Variants in FTCDNL1 observed in about 807,000 individuals in gnomAD.
FTCDNL1 encodes the protein formiminotransferase N-terminal subdomain-containing protein.
Under a neutral mutation model 5.9 loss-of-function variants are expected in FTCDNL1, and 11 were observed. The observed-to-expected ratio is 1.87, with a 90% CI of 1.18 to 3.10. The LOEUF (loss-of-function observed/expected upper bound fraction) is 3.10. Among genes scored for constraint, FTCDNL1 ranks in the 30% most tolerant of loss-of-function variants. The pLI, the probability that FTCDNL1 is intolerant of heterozygous loss-of-function variation, is 0.00. For synonymous variants in FTCDNL1, 58 were observed against 24.8 expected (o/e 2.34, Z -3.99); for missense variants, 115 against 65.5 (o/e 1.76, Z -2.61).
rs546340519 is a variant in FTCDNL1, at chr2:199,799,628, C to T, written c.212-38793G>A. On this transcript the variant is annotated intron_variant, in intron 3 of 3. Coordinates refer to the FTCDNL1 transcript ENST00000416668. Reference sequence around the variant, plus strand: ...GGTGCTCTCCCATTTTAAGATGACTCAGTTTACAAAAATATAAAACTATGT... The same window carrying T: ...GGTGCTCTCCCATTTTAAGATGACTTAGTTTACAAAAATATAAAACTATGT... Among the ~76,000 whole-genome samples the T allele has an allele frequency of 3.3e-5, 5 of 152,300 alleles. No individual in the cohort carries two copies. The South Asian group carries it at 1.0e-3, about 32-fold the overall frequency.
intron 3 of FTCDNL1, among the ~76,000 whole-genome samples, chr2:199,828,853 C>G (rs992847284): frequency 6.6e-6 from 1 of 152,134 alleles, no homozygotes; most frequent in African/African-American, 2.4e-5. Flanking sequence ...CCATTCTAAA[C>G]CAACAAATGG....
chr2:199,693,119 T>C, the FTCDNL1 span, among the ~76,000 whole-genome samples: 2 of 152,232 alleles, frequency 1.3e-5, no homozygotes, highest in Non-Finnish European at 2.9e-5. Context: ...CATTGTACAG[T>C]ACATTCTGTT....
intron 3 of FTCDNL1, among the ~76,000 whole-genome samples, chr2:199,835,631 G>T (rs533022706): frequency 2.8e-4 from 42 of 152,150 alleles, no homozygotes; most frequent in Admixed American, 2.7e-3. Flanking sequence ...AATCCTAGTG[G>T]CCTTGACACT....
intron 3 of FTCDNL1, among the ~76,000 whole-genome samples, chr2:199,772,556 C>T (rs997475775): frequency 2.0e-5 from 3 of 152,150 alleles, no homozygotes; most frequent in Non-Finnish European, 4.4e-5. Flanking sequence ...CATGACCCCA[C>T]ACTCTGAATC....
chr2:199,764,799 A>G (rs1390473407), intron 3 of FTCDNL1, among the ~76,000 whole-genome samples: 1 of 151,884 alleles, frequency 6.6e-6, no homozygotes, highest in Non-Finnish European at 1.5e-5. Flanking sequence ...TGTTGTGACT[A>G]CTCTGCACAA....
chr2:199,742,993 CT>C, the FTCDNL1 span, among the ~76,000 whole-genome samples: 1 of 152,192 alleles, frequency 6.6e-6, no homozygotes, highest in African/African-American at 2.4e-5. Context: ...TGTTATTTAT[CT>C]GTAAGAATGA....
chr2:199,681,777 CA>C, the FTCDNL1 span, among the ~76,000 whole-genome samples: 1 of 152,174 alleles, frequency 6.6e-6, no homozygotes, highest in Non-Finnish European at 1.5e-5. Flanking sequence ...CTTTAAATAA[CA>C]TACAAATTGT....
At chr2:199,716,826 G>A in the FTCDNL1 span, among the ~76,000 whole-genome samples, 1 of 152,148 alleles carries the variant, frequency 6.6e-6, no homozygotes, top group African/African-American at 2.4e-5. Context: ...CTGGATAAAT[G>A]TAAGTGTTAA....
intron 3 of FTCDNL1, among the ~76,000 whole-genome samples, chr2:199,797,918 A>G (rs1338999540): frequency 6.6e-6 from 1 of 152,230 alleles, no homozygotes; most frequent in Non-Finnish European, 1.5e-5. Context: ...CCTGAATTTA[A>G]GAGTAAAGAC....
At chr2:199,763,530 T>C (rs1196286421) in intron 3 of FTCDNL1, among the ~76,000 whole-genome samples, 1 of 152,162 alleles carries the variant, frequency 6.6e-6, no homozygotes, top group Non-Finnish European at 1.5e-5. Context: ...CCTACTCACC[T>C]TTCCCCAAGC....
the FTCDNL1 span, among the ~76,000 whole-genome samples, chr2:199,665,348 C>A: frequency 1.3e-5 from 2 of 152,056 alleles, no homozygotes; most frequent in African/African-American, 4.8e-5. Flanking sequence ...AAGTAGAGAA[C>A]AAGCCAGGCA....
At chr2:199,765,097 G>A (rs916244628) in intron 3 of FTCDNL1, among the ~76,000 whole-genome samples, 4 of 152,170 alleles carry the variant, frequency 2.6e-5, no homozygotes, top group African/African-American at 9.7e-5. Flanking sequence ...AAAATAACAT[G>A]AGGAGGAATG....
the FTCDNL1 span, among the ~76,000 whole-genome samples, chr2:199,720,926 G>C: frequency 7.2e-5 from 11 of 152,076 alleles, no homozygotes; most frequent in Non-Finnish European, 7.4e-5. Context: ...GATGTCAGTT[G>C]AGGTCTTCCT....
At chr2:199,842,358 T>C (rs2076613295) in intron 3 of FTCDNL1, among the ~76,000 whole-genome samples, 1 of 152,152 alleles carries the variant, frequency 6.6e-6, no homozygotes, top group South Asian at 2.1e-4. Flanking sequence ...GTGTTTCCCA[T>C]TCCACACCTC....
At chr2:199,769,458 G>A (rs374833176) in intron 3 of FTCDNL1, among the ~76,000 whole-genome samples, 2 of 142,846 alleles carry the variant, frequency 1.4e-5, no homozygotes, top group South Asian at 4.4e-4. Flanking sequence ...CTCCTCATCT[G>A]CCTTCCACCA....
chr2:199,694,508 T>C, the FTCDNL1 span, among the ~76,000 whole-genome samples: 1 of 152,174 alleles, frequency 6.6e-6, no homozygotes, highest in Admixed American at 6.5e-5. Context: ...GCTTCAATAA[T>C]GCTACATAAT....
the FTCDNL1 span, among the ~76,000 whole-genome samples, chr2:199,678,766 T>C: frequency 6.6e-6 from 1 of 152,104 alleles, no homozygotes; most frequent in Non-Finnish European, 1.5e-5. Context: ...TTGATCCCCA[T>C]GTCATAAAAA....
At chr2:199,793,655 G>T (rs1450313012) in intron 3 of FTCDNL1, among the ~76,000 whole-genome samples, 1 of 152,116 alleles carries the variant, frequency 6.6e-6, no homozygotes, top group Non-Finnish European at 1.5e-5. Context: ...GAGTCCCAGT[G>T]TAACAATAAA....
chr2:199,685,024 C>G, the FTCDNL1 span, among the ~76,000 whole-genome samples: 2 of 151,980 alleles, frequency 1.3e-5, no homozygotes, highest in South Asian at 2.1e-4. Flanking sequence ...TTAAAATTTA[C>G]CACTTGCTAA....
Sources: allele counts gnomAD v4.1 joint callset (sites outside exome capture counted in the v4.1 genomes callset), GRCh38; gene constraint gnomAD v4.1.1; transcripts MANE v1.5; gene names NCBI Gene and HGNC (gene_info 2026-07-23, HGNC 2026-07-21).